The following SBK1 variants were observed in gnomAD, a reference collection of about 807,000 sequenced individuals.
SBK1 encodes serine/threonine-protein kinase SBK1.
SBK1 carries 11 observed loss-of-function variants against 24.4 expected under a neutral mutation model. The ratio of observed to expected loss-of-function variants is 0.45; its 90% confidence interval spans 0.28 to 0.75. SBK1 has a LOEUF of 0.75. Ranked by LOEUF, SBK1 falls within the 30% of genes least tolerant of loss-of-function variation. The probability of loss-of-function intolerance (pLI) is 0.12; values close to 1 mark genes in which losing one functional copy is unlikely to be tolerated. For missense variants in SBK1, 467 were observed against 620.5 expected (o/e 0.75, Z 2.63); for synonymous variants, 308 against 284.4 (o/e 1.08, Z -0.83).
intron 1 of SBK1, among the ~76,000 whole-genome samples, chr16:28,308,969 C>T (rs2141585597): frequency 6.6e-6 from 1 of 152,236 alleles, no homozygotes; most frequent in East Asian, 1.9e-4. Context: ...CTTCTGCTTA[C>T]TTGCTGCATA....
At chr16:28,261,101 G>A (rs1339385361) in intron 1 of SBK1, among the ~76,000 whole-genome samples, 1 of 152,132 alleles carries the variant, frequency 6.6e-6, no homozygotes, top group East Asian at 1.9e-4. Context: ...AGGCACTGGA[G>A]CAAGCAATGG....
chr16:28,314,145 T>C (rs2044774726), intron 1 of SBK1, among the ~76,000 whole-genome samples: 1 of 98,028 alleles, frequency 1.0e-5, no homozygotes, highest in Admixed American at 9.3e-5. Flanking sequence ...TTGTCGTTAT[T>C]ATTGTTATTA....
intron 1 of SBK1, among the ~76,000 whole-genome samples, chr16:28,305,574 C>T (rs371801208): frequency 2.7e-5 from 4 of 150,512 alleles, no homozygotes; most frequent in African/African-American, 7.3e-5. Context: ...CTCTGTCGTC[C>T]AGGCTGGAGT....
intron 1 of SBK1, among the ~76,000 whole-genome samples, chr16:28,316,129 C>T (rs551528619): frequency 2.0e-4 from 31 of 152,198 alleles, no homozygotes; most frequent in African/African-American, 6.3e-4. Context: ...GTGGTGAGGT[C>T]GTCTGCAGTG....
At chr16:28,278,780 C>T (rs920751860) in intron 1 of SBK1, among the ~76,000 whole-genome samples, 12 of 152,180 alleles carry the variant, frequency 7.9e-5, no homozygotes, top group Non-Finnish European at 1.3e-4. Context: ...CTACTCACCC[C>T]GACAACAGTC....
In SBK1 at chr16:28,259,965, G is replaced by A. The variant is rs889336634; in HGVS notation, c.257+463G>A. 6.6e-6 allele frequency among the ~76,000 whole-genome samples: 1 copy of A among 152,086 alleles called. No homozygotes were observed. Among genetic ancestry groups the A allele is most frequent in the African/African-American group, 2.4e-5 (1 of 41,414 alleles). On this transcript the variant is annotated intron_variant, in intron 1 of 3. Coordinates refer to the SBK1 transcript ENST00000671413. The surrounding 1 kb of genome is among the most constrained non-coding windows in gnomAD (Gnocchi z 6.0). ...GCTTCCTCCTTCAGGAAGCCCTCCT[G>A]GATGTCCCTGTCCCACCCTAACCTG... is the stretch of plus-strand genomic sequence containing the variant.
rs748598282 is a variant in SBK1, at chr16:28,320,285, T to A, written c.639T>A (p.Pro213=). ...TCAAGCGCGTGAGCGGCACCATCCC[T>A]TACACGGCGCCTGAGGTGTGCCAGG... ...CRVKRVSGTI[P]YTAPEVCQAG... is the part of the protein sequence containing the mutation. Residue 213 remains proline (P), a synonymous_variant, in exon 4 of 4, where the codon CCT becomes CCA. Coordinates refer to ENST00000341901, the MANE Select transcript of SBK1 (RefSeq NM_001024401.3). This position sits in a 1 kb window ranked among gnomAD's most constrained non-coding sequence, Gnocchi z 8.5. 8 of 1,590,478 alleles carry A rather than the reference T, an allele frequency of 5.0e-6. No homozygotes were observed. The South Asian group carries it at 8.9e-5, about 18-fold the overall frequency.
intron 1 of SBK1, among the ~76,000 whole-genome samples, chr16:28,304,291 C>G (rs949907920): frequency 6.6e-6 from 1 of 152,184 alleles, no homozygotes; most frequent in Non-Finnish European, 1.5e-5. Flanking sequence ...TGGAACCTCC[C>G]CCAGCCTCGC....
rs1359510427 is a variant in SBK1, at chr16:28,292,754, C to T, written c.-554C>T. On this transcript the variant is annotated 5_prime_UTR_variant, in exon 1 of 4. Coordinates refer to ENST00000341901, the MANE Select transcript of SBK1 (RefSeq NM_001024401.3). ...CCCGCAGCCGAGGAGTGCGGGGAGC[C>T]CCCTTCCACATCCAGGATCCGGCGA... is the stretch of plus-strand genomic sequence containing the variant. 2.0e-6 allele frequency: 2 copies of T among 985,086 alleles called. No homozygotes were observed. Among genetic ancestry groups the T allele is most frequent in the African/African-American group, 3.5e-5 (2 of 57,212 alleles). 61.0% of individuals were successfully genotyped at this position (985,086 alleles called of 1,614,324 possible).
At chr16:28,313,181 CCTTCT>C (rs1361868651) in intron 1 of SBK1, among the ~76,000 whole-genome samples, 3 of 152,018 alleles carry the variant, frequency 2.0e-5, no homozygotes, top group Non-Finnish European at 4.4e-5. Flanking sequence ...TGTGGCCCCA[CCTTCT>C]CAGGAGGCTG....
intron 1 of SBK1, among the ~76,000 whole-genome samples, chr16:28,271,797 G>A (rs1175082970): frequency 6.6e-6 from 1 of 152,146 alleles, no homozygotes; most frequent in African/African-American, 2.4e-5. Flanking sequence ...TCCAAAAAAT[G>A]TTATCAAATC....
chr16:28,266,133 A>C (rs1026892262), intron 1 of SBK1, among the ~76,000 whole-genome samples: 5 of 152,010 alleles, frequency 3.3e-5, no homozygotes, highest in African/African-American at 4.8e-5. Flanking sequence ...GACACCTTGG[A>C]AGGCTGAGGC....
At chr16:28,275,648 G>A (rs1445095627) in intron 1 of SBK1, among the ~76,000 whole-genome samples, 4 of 152,128 alleles carry the variant, frequency 2.6e-5, no homozygotes, top group Non-Finnish European at 5.9e-5. Context: ...GAGAGGCCAA[G>A]GCAGGTGGAT....
rs2044865593 is a variant in SBK1 at position 28,322,922 on chromosome 16, CTCTCTCTCCCTCTCTCT to C, written c.*2002_*2018del. On this transcript the variant is annotated 3_prime_UTR_variant, in exon 4 of 4. Transcript: ENST00000341901. ...GCTCGCTCTCTCTCTCGCGCGCGCT[CTCTCTCTCCCTCTCTCT>C]CTCTCTCTCTCTCTCTCTCTCTCTC... 6.7e-5 allele frequency: 1 copy of C among 15,014 alleles called. No individual in the cohort carries two copies. The highest frequency in any genetic ancestry group is 1.6e-4 in the Non-Finnish European group (1 of 6,094). 0.9% of individuals were successfully genotyped at this position (15,014 alleles called of 1,614,324 possible). A position where few individuals can be genotyped will look rare whatever the true frequency, so the allele number is the denominator to read the frequency against.
chr16:28,306,216 T>C (rs1468205427), intron 1 of SBK1, among the ~76,000 whole-genome samples: 1 of 152,030 alleles, frequency 6.6e-6, no homozygotes, highest in Non-Finnish European at 1.5e-5. Context: ...GACACAGCTG[T>C]GCCGCTGCTG....
At position 28,320,851 on chromosome 16, in the gene SBK1, G is replaced by T. The variant is rs764232424; in HGVS notation, c.1205G>T (p.Arg402Leu). Residue 402 changes from arginine to leucine, a missense_variant, in exon 4 of 4, where the codon CGG (arginine) becomes CTG (leucine). Physicochemically the swap from Arg to Leu is moderately radical, Grantham distance 102. Transcript: ENST00000341901. This position sits in a 1 kb window ranked among gnomAD's most constrained non-coding sequence, Gnocchi z 8.5. ...PGLAPQGPPG[R>L]TDGRADKSKG... is the part of the protein sequence containing the mutation. ...CTAGCTCCCCAGGGGCCCCCCGGCC[G>T]GACCGACGGCCGCGCGGACAAGAGC... is the stretch of plus-strand genomic sequence containing the variant. 1.3e-6 allele frequency: 2 copies of T among 1,481,626 alleles called. No homozygotes were observed. The highest frequency in any genetic ancestry group is 8.9e-7 in the Non-Finnish European group (1 of 1,118,742). The allele number at this position is 1,481,626 out of a possible 1,614,324, so 91.8% of individuals were successfully genotyped here. A position where few individuals can be genotyped will look rare whatever the true frequency, so the allele number is the denominator to read the frequency against.
upstream of SBK1, among the ~76,000 whole-genome samples, chr16:28,287,684 G>A (rs574013994): frequency 2.0e-5 from 3 of 152,238 alleles, no homozygotes; most frequent in African/African-American, 7.2e-5. Flanking sequence ...TGTTTTGAAA[G>A]ACAGAGTTTC....
At chr16:28,274,176 A>C (rs1238971222) in intron 1 of SBK1, among the ~76,000 whole-genome samples, 1 of 152,210 alleles carries the variant, frequency 6.6e-6, no homozygotes, top group Non-Finnish European at 1.5e-5. Flanking sequence ...GAACTCTACA[A>C]AACAAAGAAT....
At chr16:28,281,634 G>A (rs1197870314) in intron 1 of SBK1, among the ~76,000 whole-genome samples, 1 of 152,196 alleles carries the variant, frequency 6.6e-6, no homozygotes, top group Non-Finnish European at 1.5e-5. Context: ...GCTAGGGTGC[G>A]CACTTCAGCA....
Sources: allele counts gnomAD v4.1 joint callset (sites outside exome capture counted in the v4.1 genomes callset), GRCh38; gene constraint gnomAD v4.1.1; non-coding constraint Gnocchi (gnomAD v3.1); transcripts MANE v1.5; gene names NCBI Gene and HGNC (gene_info 2026-07-23, HGNC 2026-07-21).